Variants in APC2 observed in about 807,000 individuals in gnomAD.
APC2 encodes adenomatous polyposis coli protein 2.
APC2 carries 41 observed loss-of-function variants against 72.5 expected under a neutral mutation model. That is an observed-to-expected ratio of 0.57 (90% CI 0.44 to 0.73). The LOEUF is 0.73. Among genes scored for constraint, APC2 ranks in the 30% least tolerant of loss-of-function variants. APC2 has a pLI of 0.00. For synonymous variants in APC2, 1,898 were observed against 1,612.0 expected (o/e 1.18, Z -4.25); for missense variants, 3,729 against 3,403.4 (o/e 1.10, Z -2.38).
chr19:1,465,015 C>T (rs1402795922), intron 14 of APC2, 140 bp from the exon 15 acceptor site: 6 of 802,090 alleles, frequency 7.5e-6, no homozygotes, highest in Non-Finnish European at 1.1e-5. Flanking sequence ...TTGGGATATA[C>T]TTATACCAAA....
upstream of APC2, chr19:1,446,323 G>C: frequency 1.0e-6 from 1 of 985,232 alleles, no homozygotes; most frequent in Non-Finnish European, 1.2e-6. The surrounding 1 kb of genome is among the most constrained non-coding windows in gnomAD (Gnocchi z 6.1). Context: ...TGCTGCACTC[G>C]GCCTTCTTCG....
Position 1,466,676 on chromosome 19 carries a change from C to T in APC2, c.3375C>T (p.Ala1125=). 1 of 1,507,490 alleles carries T rather than the reference C, an allele frequency of 6.6e-7. No homozygotes were observed. Among genetic ancestry groups the T allele is most frequent in the South Asian group, 1.3e-5 (1 of 78,726 alleles). 93.4% of individuals were successfully genotyped at this position (1,507,490 alleles called of 1,614,324 possible). ...RAPGATSLPV[A]IPAPRRNRGR... is the part of the protein sequence containing the mutation. ...CCGGGGCCACCTCGCTGCCCGTAGC[C>T]ATTCCGGCTCCCCGGCGTAACCGAG... The change falls in exon 15 of 15, where the codon GCC becomes GCT. Residue 1125 remains alanine (A), a synonymous_variant. Coordinates refer to ENST00000590469, the MANE Select transcript of APC2 (RefSeq NM_005883.3).
chr19:1,449,315 A>AC (rs754676700), upstream of APC2, among the ~76,000 whole-genome samples: 99 of 152,220 alleles, frequency 6.5e-4, no homozygotes, highest in South Asian at 1.2e-3. Flanking sequence ...AGCTGCAGGG[A>AC]CGGGCTCTGT....
intron 14 of APC2, 146 bp from the exon 15 acceptor site, chr19:1,465,009 G>A (rs2083983453): frequency 2.8e-6 from 2 of 717,370 alleles, no homozygotes; most frequent in Admixed American, 3.3e-5. Flanking sequence ...CAATCTTTGG[G>A]ATATACTTAT....
At chr19:1,465,092 C>A (rs2083984843) in intron 14 of APC2, 63 bp from the exon 15 acceptor site, 13 of 1,536,740 alleles carry the variant, frequency 8.5e-6, no homozygotes, top group South Asian at 2.4e-5. Flanking sequence ...TCTGGCCCCC[C>A]CATCCTTCGG....
At position 1,457,898 on chromosome 19, in the gene APC2, G is replaced by GGGGGGGGGT. The variant is rs1555675929; in HGVS notation, c.1208-67_1208-66insGGGGGGGGT. 16 of 1,432,498 alleles carry GGGGGGGGGT rather than the reference G, an allele frequency of 1.1e-5. No homozygotes were observed. The Admixed American group carries it at 1.8e-4, about 16-fold the overall frequency. The allele number at this position is 1,432,498 out of a possible 1,614,324, so 88.7% of individuals were successfully genotyped here. On this transcript the variant is annotated intron_variant, in intron 9 of 14. Coordinates refer to ENST00000590469, the MANE Select transcript of APC2 (RefSeq NM_005883.3). ...CAGGCCTGGGGCGGGCGGGTTGCGG[G>GGGGGGGGGT]ACCTTCGGGAGTCACCTGGGACATT...
chr19:1,461,386 C>A (rs1402039199), intron 13 of APC2: 5 of 577,684 alleles, frequency 8.7e-6, no homozygotes, highest in African/African-American at 1.9e-5. Flanking sequence ...ACCAGCCTGG[C>A]CAACATGGTC....
At position 1,452,795 on chromosome 19, in the gene APC2, G is replaced by A; in HGVS notation, c.-18-189G>A. 1.5e-6 allele frequency: 1 copy of A among 651,080 alleles called. No homozygotes were observed. The highest frequency in any genetic ancestry group is 2.5e-6 in the Non-Finnish European group (1 of 392,760). 40.3% of individuals were successfully genotyped at this position (651,080 alleles called of 1,614,324 possible). On this transcript the variant is annotated intron_variant, in intron 1 of 14. Transcript: ENST00000590469. The surrounding 1 kb of genome is among the most constrained non-coding windows in gnomAD (Gnocchi z 5.1). ...CACCTCTCACTCCACCTGCCCCTCT[G>A]CGCCCCGGATTGCCTGGCCACCACC... is the stretch of plus-strand genomic sequence containing the variant.
chr19:1,457,898 G>GGGGGGGGGGGT (rs1555675929), intron 9 of APC2, 67 bp from the exon 10 acceptor site: 22 of 1,432,476 alleles, frequency 1.5e-5, no homozygotes, highest in South Asian at 6.1e-5. Context: ...CGGGTTGCGG[G>GGGGGGGGGGGT]ACCTTCGGGA....
chr19:1,454,178 G>C (rs1456013384), intron 4 of APC2, among the ~76,000 whole-genome samples: 1 of 152,130 alleles, frequency 6.6e-6, no homozygotes, highest in Non-Finnish European at 1.5e-5. Context: ...CTCCTGCCCT[G>C]TAAAATCGGA....
chr19:1,466,302 C>A lies in APC2; in HGVS notation c.3001C>A (p.His1001Asn). The change falls in exon 15 of 15, where the codon CAC (histidine) becomes AAC (asparagine). Residue 1001 changes from histidine (H) to asparagine (N), a missense_variant. Coordinates refer to ENST00000590469, the MANE Select transcript of APC2 (RefSeq NM_005883.3). ...CATCAAGCTGTCGCCTACCTATCAG[C>A]ACGTGCCACTGCTTGAGGGTGCCTC... ...RTIKLSPTYQ[H>N]VPLLEGASRA... is the part of the protein sequence containing the mutation. The A allele has an allele frequency of 6.5e-7, 1 of 1,539,884 alleles. No individual in the cohort carries two copies. The highest frequency in any genetic ancestry group is 8.7e-7 in the Non-Finnish European group (1 of 1,147,356).
chr19:1,450,439 C>A, intron 1 of APC2, 101 bp downstream of exon 1: 1 of 881,576 alleles, frequency 1.1e-6, no homozygotes, highest in Non-Finnish European at 1.4e-6. Context: ...GACTCTGGAC[C>A]CTCCATTTCC....
Position 1,466,138 on chromosome 19 carries a change from C to T in APC2, c.2837C>T (p.Pro946Leu), listed in dbSNP as rs756133240. ...CCACGCGAACATATGCTGCCCTGCC[C>T]GCTGGCCGCACTGGCTTCGCGCCGC... ...YCPREHMLPC[P>L]LAALASRRED... Residue 946 changes from proline (P) to leucine (L), a missense_variant, in exon 15 of 15, where the codon CCG (proline) becomes CTG (leucine). Coordinates refer to ENST00000590469, the MANE Select transcript of APC2 (RefSeq NM_005883.3). 4.5e-6 allele frequency: 7 copies of T among 1,565,610 alleles called. No homozygotes were observed. The highest frequency in any genetic ancestry group is 1.2e-5 in the South Asian group (1 of 86,774).
rs765175644 is a variant in APC2 at position 1,467,961 on chromosome 19, G to A, written c.4660G>A (p.Ala1554Thr). 1.0e-4 allele frequency: 158 copies of A among 1,580,880 alleles called. No individual in the cohort carries two copies. Among genetic ancestry groups the A allele is most frequent in the Non-Finnish European group, 1.0e-4 (122 of 1,172,756 alleles). Residue 1554 changes from alanine (A) to threonine (T), a missense_variant, in exon 15 of 15, where the codon GCT (alanine) becomes ACT (threonine). Physicochemically the swap from Ala to Thr is moderately conservative, Grantham distance 58. Coordinates refer to ENST00000590469, the MANE Select transcript of APC2 (RefSeq NM_005883.3). ...GRKEAPAPSKAAPAAPPPART... is the reference protein window; with the variant it reads ...GRKEAPAPSKTAPAAPPPART... ...GAAGGAGGCCCCTGCCCCGTCCAAG[G>A]CTGCACCAGCTGCCCCGCCGCCCGC... is the stretch of plus-strand genomic sequence containing the variant.
At chr19:1,450,536 C>T (rs950146834) in intron 1 of APC2, among the ~76,000 whole-genome samples, 198 bp downstream of exon 1, 1 of 152,218 alleles carries the variant, frequency 6.6e-6, no homozygotes, top group Non-Finnish European at 1.5e-5. Flanking sequence ...CACCCACTCA[C>T]GGGCTTCACC....
chr19:1,454,563 CTTTTTT>C (rs71174371), intron 4 of APC2, among the ~76,000 whole-genome samples: 1 of 116,172 alleles, frequency 8.6e-6, no homozygotes, highest in African/African-American at 3.6e-5. Flanking sequence ...ATCTTTTGTA[CTTTTTT>C]TTTTTTTTTT....
chr19:1,466,815 G>A lies in APC2; in HGVS notation c.3514G>A (p.Glu1172Lys), dbSNP rs1211109923. ...CTCTGTGAGCTCGCTGGGCAGCTTCGAGAGCCCGTCCATCGCCAGCTCCAT... is the reference window on the plus strand; with the variant it reads ...CTCTGTGAGCTCGCTGGGCAGCTTCAAGAGCCCGTCCATCGCCAGCTCCAT... ...CSSVSSLGSF[E>K]SPSIASSIPS... The change falls in exon 15 of 15, where the codon GAG becomes AAG. Residue 1172 changes from glutamate to lysine, a missense_variant. By Grantham distance (56) the Glu-to-Lys change is moderately conservative (BLOSUM62 1). Transcript: ENST00000590469. The A allele has an allele frequency of 2.6e-6, 4 of 1,553,142 alleles. No homozygotes were observed. The highest frequency in any genetic ancestry group is 1.4e-5 in the African/African-American group (1 of 73,378).
chr19:1,469,021 C>T lies in APC2; in HGVS notation c.5720C>T (p.Pro1907Leu), dbSNP rs766437510. The T allele has an allele frequency of 7.1e-6, 11 of 1,548,674 alleles. No homozygotes were observed. The highest frequency in any genetic ancestry group is 9.6e-6 in the Non-Finnish European group (11 of 1,150,320). The change falls in exon 15 of 15, where the codon CCG becomes CTG. Residue 1907 changes from proline (P) to leucine (L), a missense_variant. Transcript: ENST00000590469. ...GCCCTGCCCGGCCCCGGAGCCTCCC[C>T]GGTGCCCAAAACGCCGGCGCGCACC... ...AGALPGPGAS[P>L]VPKTPARTLL...
rs2083863999 is a variant in APC2, at chr19:1,457,949, G to A, written c.1208-16G>A. 2 of 1,548,110 alleles carry A rather than the reference G, an allele frequency of 1.3e-6. No individual in the cohort carries two copies. Among genetic ancestry groups the A allele is most frequent in the African/African-American group, 1.4e-5 (1 of 72,430 alleles). The stretch of plus-strand genomic sequence containing the variant: ...TCCTGGGAATGGGGGCTCTGATCTG[G>A]TCCCTGTGCCCACAGCCCCGATCCC... On this transcript the variant is annotated splice_polypyrimidine_tract_variant and intron_variant, in intron 9 of 14. Transcript: ENST00000590469.
Sources: gnomAD v4.1 joint callset for allele counts (sites outside exome capture counted in the v4.1 genomes callset) on GRCh38, gnomAD v4.1.1 for gene constraint, Gnocchi (gnomAD v3.1) non-coding constraint, MANE v1.5 for transcripts, NCBI Gene and HGNC (gene_info 2026-07-23, HGNC 2026-07-21) for gene names.